The following PRKG1 variants were observed in gnomAD, a reference collection of about 807,000 sequenced individuals.
The protein encoded by PRKG1 is cGMP-dependent protein kinase 1.
PRKG1 carries 35 observed loss-of-function variants against 88.1 expected under a neutral mutation model. That is an observed-to-expected ratio of 0.40 (90% CI 0.30 to 0.53). The LOEUF is 0.53. Among genes scored for constraint, PRKG1 ranks in the 20% least tolerant of loss-of-function variants. The pLI, the probability that PRKG1 is intolerant of heterozygous loss-of-function variation, is 0.59. For missense variants in PRKG1, 540 were observed against 839.8 expected, an observed-to-expected ratio of 0.64 and a Z score of 4.41; for synonymous variants, 303 against 292.5, an observed-to-expected ratio of 1.04 and a Z score of -0.37.
chr10:51,691,199 A>T (rs1299945647), intron 3 of PRKG1, among the ~76,000 whole-genome samples: 1 of 151,278 alleles, frequency 6.6e-6, no homozygotes, highest in Non-Finnish European at 1.5e-5. Flanking sequence ...CAAAAAAAAA[A>T]TGCATCAAGA....
At chr10:52,196,163 C>G (rs1839500118) in intron 9 of PRKG1, among the ~76,000 whole-genome samples, 1 of 152,106 alleles carries the variant, frequency 6.6e-6, no homozygotes, top group Non-Finnish European at 1.5e-5. Context: ...CAGGCACCCG[C>G]CACCACGCCT....
chr10:51,205,539 TA>T (rs1351971390), intron 2 of PRKG1, among the ~76,000 whole-genome samples: 1 of 151,950 alleles, frequency 6.6e-6, no homozygotes, highest in East Asian at 1.9e-4. Flanking sequence ...GGGCTTTTTT[TA>T]AACTTTTATT....
At chr10:51,848,550 T>C (rs1038285931) in intron 4 of PRKG1, among the ~76,000 whole-genome samples, 5 of 152,168 alleles carry the variant, frequency 3.3e-5, no homozygotes, top group Admixed American at 2.0e-4. Flanking sequence ...CTGTAAAATA[T>C]GTTTTCATAT....
chr10:51,436,179 T>G (rs1407706955), intron 2 of PRKG1, among the ~76,000 whole-genome samples: 1 of 151,746 alleles, frequency 6.6e-6, no homozygotes, highest in Non-Finnish European at 1.5e-5. Context: ...TAAGTTGTTT[T>G]TTTTTTTTTT....
chr10:51,911,723 A>AC (rs1842221077), intron 5 of PRKG1, among the ~76,000 whole-genome samples: 1 of 152,232 alleles, frequency 6.6e-6, no homozygotes, highest in African/African-American at 2.4e-5. Context: ...TATATATCAG[A>AC]TAAAGTGAAG....
chr10:51,988,978 T>C (rs187214558), intron 5 of PRKG1, among the ~76,000 whole-genome samples: 1 of 152,256 alleles, frequency 6.6e-6, no homozygotes, highest in East Asian at 1.9e-4. Context: ...AGCTATTTCA[T>C]GTTTTCTTCT....
intron 2 of PRKG1, among the ~76,000 whole-genome samples, chr10:51,453,884 T>C (rs1839507577): frequency 6.6e-6 from 1 of 151,972 alleles, no homozygotes; most frequent in South Asian, 2.1e-4. Flanking sequence ...ATATGATAAA[T>C]GAATTCAGGA....
At chr10:51,447,868 T>C (rs1588967711) in intron 2 of PRKG1, among the ~76,000 whole-genome samples, 1 of 152,062 alleles carries the variant, frequency 6.6e-6, no homozygotes, top group Admixed American at 6.6e-5. Context: ...CCAGTGAATG[T>C]TCCCTTATCA....
At chr10:51,802,953 C>T (rs1319808746) in intron 3 of PRKG1, among the ~76,000 whole-genome samples, 2 of 152,118 alleles carry the variant, frequency 1.3e-5, no homozygotes, top group Non-Finnish European at 2.9e-5. Context: ...CTGGTAGACT[C>T]CTGAGCTCAT....
At chr10:52,187,299 C>A (rs530980815) in intron 9 of PRKG1, among the ~76,000 whole-genome samples, 1 of 152,108 alleles carries the variant, frequency 6.6e-6, no homozygotes, top group Non-Finnish European at 1.5e-5. Context: ...ACTATAGTAG[C>A]CTCAAATGTA....
intron 5 of PRKG1, among the ~76,000 whole-genome samples, chr10:51,924,879 A>C (rs1486396219): frequency 2.1e-5 from 3 of 146,340 alleles, no homozygotes; most frequent in Non-Finnish European, 4.5e-5. Context: ...AATTTCTAGC[A>C]TTTTCTTTTG....
intron 3 of PRKG1, among the ~76,000 whole-genome samples, chr10:51,468,681 G>A (rs1408976970): frequency 1.3e-5 from 2 of 151,854 alleles, no homozygotes; most frequent in Non-Finnish European, 3.0e-5. Flanking sequence ...GTTGATTTCA[G>A]TCACAGATTA....
intron 2 of PRKG1, among the ~76,000 whole-genome samples, chr10:51,346,380 C>T (rs546546098): frequency 6.6e-6 from 1 of 152,118 alleles, no homozygotes; most frequent in Non-Finnish European, 1.5e-5. Context: ...GTATTATACA[C>T]TTAATTATTT....
At chr10:51,966,725 C>A (rs1843575981) in intron 5 of PRKG1, among the ~76,000 whole-genome samples, 1 of 152,174 alleles carries the variant, frequency 6.6e-6, no homozygotes, top group South Asian at 2.1e-4. Context: ...GTCACCTATG[C>A]CAGCAGCGCC....
intron 2 of PRKG1, among the ~76,000 whole-genome samples, chr10:51,380,006 T>C (rs1686217889): frequency 6.6e-6 from 1 of 152,210 alleles, no homozygotes. Context: ...AAAGAGATAC[T>C]GTGCTGTTTT....
intron 11 of PRKG1, 39 bp from the exon 12 acceptor site, chr10:52,272,353 A>T (rs755287477): frequency 1.4e-6 from 2 of 1,462,436 alleles, no homozygotes; most frequent in Non-Finnish European, 1.9e-6. Context: ...AAAAGACAGT[A>T]ATGTTTATAA....
chr10:52,156,082 A>C (rs1317862948), intron 8 of PRKG1, among the ~76,000 whole-genome samples: 1 of 152,024 alleles, frequency 6.6e-6, no homozygotes, highest in African/African-American at 2.4e-5. Context: ...CCATTTTTCT[A>C]GTGAATAATC....
intron 2 of PRKG1, among the ~76,000 whole-genome samples, chr10:51,201,476 G>A (rs1396763904): frequency 6.6e-6 from 1 of 152,064 alleles, no homozygotes; most frequent in East Asian, 1.9e-4. Context: ...AAAAATTAAA[G>A]CAGGAAAATG....
chr10:51,695,102 T>C (rs1340590410), intron 3 of PRKG1, among the ~76,000 whole-genome samples: 1 of 152,168 alleles, frequency 6.6e-6, no homozygotes, highest in Non-Finnish European at 1.5e-5. Context: ...TCTGTGAATA[T>C]GGGAATGAGA....
Sources: gnomAD v4.1 joint callset for allele counts (sites outside exome capture counted in the v4.1 genomes callset) on GRCh38, gnomAD v4.1.1 for gene constraint, MANE v1.5 for transcripts, NCBI Gene and HGNC (gene_info 2026-07-23, HGNC 2026-07-21) for gene names.